UVRAG: variants seen among roughly 807,000 people sequenced by gnomAD.
UVRAG encodes the protein UV radiation resistance-associated gene protein.
A neutral mutation model predicts 78.0 loss-of-function variants in UVRAG; 19 were observed. The ratio of observed to expected loss-of-function variants is 0.24; its 90% CI spans 0.17 to 0.36. The LOEUF (loss-of-function observed/expected upper bound fraction) is 0.36, where lower values mean the gene tolerates loss of function less well. Ranked by LOEUF, UVRAG falls within the 10% of genes least tolerant of loss-of-function variation. The pLI is 1.00. For synonymous variants in UVRAG, 323 were observed against 324.6 expected (o/e 1.00, Z 0.05); for missense variants, 740 against 853.8 (o/e 0.87, Z 1.66).
Position 75,903,975 on chromosome 11 carries a change from G to A in UVRAG, c.508-7979G>A, listed in dbSNP as rs781398640. Among the ~76,000 whole-genome samples, 20 of 152,288 alleles carry A rather than the reference G, an allele frequency of 1.3e-4. 1 individual carries two copies. Among genetic ancestry groups the A allele is most frequent in the Middle Eastern group, 3.4e-3 (1 of 294 alleles). ...AATATATAGTAACATGTTTTAAAAC[G>A]TGACTCATCCAATGAACTAGTACAG... On this transcript the variant is annotated intron_variant, in intron 5 of 14. Transcript: ENST00000356136.
chr11:76,137,077 G>GAACAGCTAA (rs1345014651), intron 14 of UVRAG: 1 of 191,156 alleles, frequency 5.2e-6, no homozygotes, highest in Non-Finnish European at 1.1e-5. Flanking sequence ...AATCAATTCT[G>GAACAGCTAA]AACAGCTAAA....
chr11:75,902,902 T>C (rs1194004171), intron 5 of UVRAG, among the ~76,000 whole-genome samples: 1 of 152,228 alleles, frequency 6.6e-6, no homozygotes, highest in East Asian at 1.9e-4. Flanking sequence ...TTAATCTTGC[T>C]AAAGGATGCT....
intron 7 of UVRAG, among the ~76,000 whole-genome samples, chr11:75,975,943 C>G (rs962497252): frequency 1.3e-5 from 2 of 152,148 alleles, no homozygotes; most frequent in Non-Finnish European, 2.9e-5. Flanking sequence ...CTGTCTTGTG[C>G]CAGTTTTCAA....
At chr11:76,079,282 G>A (rs537445891) in intron 13 of UVRAG, among the ~76,000 whole-genome samples, 41 of 152,052 alleles carry the variant, frequency 2.7e-4, no homozygotes, top group African/African-American at 9.4e-4. Flanking sequence ...TCAGGAGTTC[G>A]AGACCAGCCT....
rs994404787 is a variant in UVRAG at position 75,815,222 on chromosome 11, C to G, written c.-186C>G. 9.1e-6 allele frequency: 4 copies of G among 438,432 alleles called. No homozygotes were observed. The highest frequency in any genetic ancestry group is 1.6e-5 in the Non-Finnish European group (4 of 250,770). The allele number at this position is 438,432 out of a possible 1,614,324, so 27.2% of individuals were successfully genotyped here. On this transcript the variant is annotated 5_prime_UTR_variant, in exon 1 of 15. Coordinates refer to ENST00000356136, the MANE Select transcript of UVRAG (RefSeq NM_003369.4). ...GGGGTTGCACTGCGGTAATATGGCT[C>G]TTCCTTAGCCAGCGGCGGCAACGGC...
intron 7 of UVRAG, 152 bp from the exon 8 acceptor site, chr11:75,983,235 G>T: frequency 4.8e-6 from 3 of 628,480 alleles, no homozygotes; most frequent in Non-Finnish European, 5.1e-6. Context: ...TAAAAGGATG[G>T]TGCTGGTAAT....
At position 76,117,724 on chromosome 11, in the gene UVRAG, C is replaced by T. The variant is rs1952207681; in HGVS notation, c.1397+1709C>T. ...GGCCCTTAACTACATTGGCAGACAG[C>T]GATCAGGTGACTTTTCTTCAGGAGC... is the stretch of plus-strand genomic sequence containing the variant. On this transcript the variant is annotated intron_variant, in intron 14 of 14. Transcript: ENST00000356136. 2.0e-5 allele frequency among the ~76,000 whole-genome samples: 3 copies of T among 152,252 alleles called. 1 individual carries two copies. In the South Asian group the frequency reaches 6.2e-4, roughly 32 times the overall value.
At chr11:75,882,660 A>T (rs2134894980) in intron 4 of UVRAG, among the ~76,000 whole-genome samples, 1 of 152,168 alleles carries the variant, frequency 6.6e-6, no homozygotes, top group South Asian at 2.1e-4. Context: ...TTTAACTGAA[A>T]TTTTGTATCC....
intron 12 of UVRAG, among the ~76,000 whole-genome samples, chr11:76,049,044 A>G (rs945464646): frequency 3.9e-5 from 6 of 152,250 alleles, no homozygotes; most frequent in East Asian, 1.9e-4. Flanking sequence ...GACACAGCAT[A>G]GAGAAGCTCC....
intron 12 of UVRAG, among the ~76,000 whole-genome samples, chr11:76,047,982 A>C (rs926416311): frequency 6.6e-6 from 1 of 152,228 alleles, no homozygotes; most frequent in Non-Finnish European, 1.5e-5. Flanking sequence ...CCAAATTAGA[A>C]ACAGGTGAAG....
In UVRAG at chr11:75,888,831, T is replaced by G. The variant is rs1478697110; in HGVS notation, c.435T>G (p.Ile145Met). 4 of 1,613,058 alleles carry G rather than the reference T, an allele frequency of 2.5e-6. No homozygotes were observed. The highest frequency in any genetic ancestry group is 2.5e-6 in the Non-Finnish European group (3 of 1,179,578). The change falls in exon 5 of 15, where the codon ATT (isoleucine) becomes ATG (methionine). Residue 145 changes from isoleucine to methionine, a missense_variant and splice_region_variant. Physicochemically the swap from Ile to Met is conservative, Grantham distance 10. Transcript: ENST00000356136. ...LDGLKYLGQQ[I>M]HARNQNEIIF... ...ACTGTATTTTCCTCCTCTCTTAGAT[T>G]CATGCCCGAAACCAAAATGAAATAA...
At chr11:75,983,650 A>G (rs984471655) in intron 8 of UVRAG, 137 bp downstream of exon 8, 35 of 1,216,444 alleles carry the variant, frequency 2.9e-5, no homozygotes, top group Middle Eastern at 2.1e-4. Context: ...TATTCTGGAA[A>G]TGCATCCTTT....
chr11:75,988,234 C>A (rs1015508637), intron 8 of UVRAG, among the ~76,000 whole-genome samples: 2 of 152,220 alleles, frequency 1.3e-5, no homozygotes, highest in African/African-American at 2.4e-5. Flanking sequence ...GATAACATTT[C>A]TATCATTGTA....
chr11:75,939,310 G>T (rs192242035), intron 6 of UVRAG, among the ~76,000 whole-genome samples: 1 of 152,112 alleles, frequency 6.6e-6, no homozygotes, highest in East Asian at 1.9e-4. Flanking sequence ...CTTTGTTCTT[G>T]TTGAAACTTG....
At chr11:75,934,582 T>C (rs955359218) in intron 6 of UVRAG, among the ~76,000 whole-genome samples, 3 of 152,200 alleles carry the variant, frequency 2.0e-5, no homozygotes, top group East Asian at 1.9e-4. Context: ...TTATTACTTA[T>C]TGTATGCCTG....
chr11:75,943,429 A>G (rs894023189), intron 6 of UVRAG, among the ~76,000 whole-genome samples: 2 of 151,552 alleles, frequency 1.3e-5, no homozygotes, highest in East Asian at 3.9e-4. Context: ...GCTTTTCTGT[A>G]TACTTCCTCA....
chr11:75,963,590 T>C (rs772844576), intron 7 of UVRAG, among the ~76,000 whole-genome samples: 5 of 152,254 alleles, frequency 3.3e-5, no homozygotes, highest in Non-Finnish European at 5.9e-5. Flanking sequence ...ATTTTCATTT[T>C]AACCTACGTA....
intron 1 of UVRAG, among the ~76,000 whole-genome samples, chr11:75,847,349 A>G (rs902585058): frequency 1.3e-5 from 2 of 150,752 alleles, no homozygotes; most frequent in South Asian, 4.2e-4. Context: ...CTGGTCTTGA[A>G]CTCTTGACCT....
In UVRAG at chr11:75,978,007, C is replaced by T. The variant is rs1269518754; in HGVS notation, c.700-5380C>T. 3.3e-5 allele frequency among the ~76,000 whole-genome samples: 5 copies of T among 152,258 alleles called. No homozygotes were observed. In the East Asian group the frequency reaches 9.6e-4, roughly 29 times the overall value. On this transcript the variant is annotated intron_variant, in intron 7 of 14. Coordinates refer to ENST00000356136, the MANE Select transcript of UVRAG (RefSeq NM_003369.4). ...TGGCATGTTTTTGCAGTGGCTGGTA[C>T]CGGTTGTTCTTTCCATGTTTAGCGC...
Sources: allele counts gnomAD v4.1 joint callset (sites outside exome capture counted in the v4.1 genomes callset), GRCh38; gene constraint gnomAD v4.1.1; transcripts MANE v1.5; gene names NCBI Gene and HGNC (gene_info 2026-07-23, HGNC 2026-07-21).